The following FGF10 variants were observed in gnomAD, a reference collection of about 807,000 sequenced individuals.
FGF10 encodes the protein fibroblast growth factor 10.
FGF10 carries 2 observed loss-of-function variants against 19.8 expected under a neutral mutation model. The ratio of observed to expected loss-of-function variants is 0.10; its 90% CI spans 0.04 to 0.32. The LOEUF is 0.32. Among genes scored for constraint, FGF10 ranks in the 10% least tolerant of loss-of-function variants. The probability of loss-of-function intolerance (pLI) is 1.00; values close to 1 mark genes in which losing one functional copy is unlikely to be tolerated. For missense variants in FGF10, 191 were observed against 246.3 expected, an observed-to-expected ratio of 0.78 and a Z score of 1.50; for synonymous variants, 112 against 94.0, an observed-to-expected ratio of 1.19 and a Z score of -1.10.
chr5:44,323,889 G>A (rs977411598), intron 1 of FGF10, among the ~76,000 whole-genome samples: 1 of 152,108 alleles, frequency 6.6e-6, no homozygotes, highest in Non-Finnish European at 1.5e-5. Context: ...AAACTGATGG[G>A]TAAGGGACAC....
Position 44,355,020 on chromosome 5 carries a change from CA to C in FGF10, c.325+33337del, listed in dbSNP as rs1343094967. Reference sequence around the variant, plus strand: ...GATGTAAACACAGAGCTTTAAAAGGCAGTGACTTTATTCTCTTCGCATGTAC... The same window carrying C: ...GATGTAAACACAGAGCTTTAAAAGGCGTGACTTTATTCTCTTCGCATGTAC... On this transcript the variant is annotated intron_variant, in intron 1 of 2. Transcript: ENST00000264664. 2.6e-5 allele frequency among the ~76,000 whole-genome samples: 4 copies of C among 151,504 alleles called. No homozygotes were observed. In the Admixed American group the frequency reaches 2.6e-4, roughly 10 times the overall value.
intron 1 of FGF10, among the ~76,000 whole-genome samples, chr5:44,380,895 G>A (rs183545136): frequency 5.9e-5 from 9 of 152,230 alleles, no homozygotes; most frequent in East Asian, 1.9e-4. Flanking sequence ...TGGGAGGATC[G>A]CCTGAGCCCA....
chr5:44,323,555 T>C (rs1448070023), intron 1 of FGF10, among the ~76,000 whole-genome samples: 1 of 152,164 alleles, frequency 6.6e-6, no homozygotes, highest in Admixed American at 6.6e-5. Context: ...AGGATTGATA[T>C]TAGAATCCAA....
At chr5:44,343,725 T>C (rs1279415792) in intron 1 of FGF10, among the ~76,000 whole-genome samples, 1 of 151,976 alleles carries the variant, frequency 6.6e-6, no homozygotes, top group East Asian at 1.9e-4. Flanking sequence ...ACATAGCATA[T>C]AGCCACAATT....
At chr5:44,355,364 T>A (rs1242290418) in intron 1 of FGF10, among the ~76,000 whole-genome samples, 1 of 151,292 alleles carries the variant, frequency 6.6e-6, no homozygotes, top group East Asian at 1.9e-4. Flanking sequence ...GTAGACATGA[T>A]AAAAGAACAG....
intron 1 of FGF10, 143 bp downstream of exon 1, chr5:44,388,215 T>C: frequency 1.2e-6 from 1 of 807,336 alleles, no homozygotes; most frequent in Non-Finnish European, 2.1e-6. Flanking sequence ...GGGGGTGAAT[T>C]AGTGTGAAAG....
At chr5:44,309,236 C>T (rs761070491) in intron 2 of FGF10, among the ~76,000 whole-genome samples, 3 of 152,054 alleles carry the variant, frequency 2.0e-5, no homozygotes, top group Non-Finnish European at 4.4e-5. Flanking sequence ...TTTATAGTTG[C>T]CTTCAATACA....
chr5:44,323,020 A>G (rs1740534132), intron 1 of FGF10, among the ~76,000 whole-genome samples: 1 of 152,142 alleles, frequency 6.6e-6, no homozygotes, highest in African/African-American at 2.4e-5. Context: ...AATATTGGCA[A>G]TAAAGATTTT....
At chr5:44,372,550 T>C (rs890818717) in intron 1 of FGF10, among the ~76,000 whole-genome samples, 6 of 152,148 alleles carry the variant, frequency 3.9e-5, no homozygotes, top group African/African-American at 1.4e-4. Flanking sequence ...CCTACCTAAA[T>C]TAAAGCCCAA....
At chr5:44,384,801 C>T (rs1413805530) in intron 1 of FGF10, among the ~76,000 whole-genome samples, 4 of 152,076 alleles carry the variant, frequency 2.6e-5, no homozygotes, top group African/African-American at 7.2e-5. Context: ...TCTCTATTGC[C>T]TCCCATTCTT....
intron 2 of FGF10, among the ~76,000 whole-genome samples, chr5:44,306,371 T>C (rs1339141387): frequency 6.6e-6 from 1 of 152,218 alleles, no homozygotes; most frequent in East Asian, 1.9e-4. Flanking sequence ...CACTGCAGCC[T>C]GGGCAACAGA....
intron 2 of FGF10, among the ~76,000 whole-genome samples, 196 bp from the exon 3 acceptor site, chr5:44,305,388 CAT>C (rs1740052810): frequency 1.3e-5 from 2 of 152,278 alleles, no homozygotes; most frequent in South Asian, 4.1e-4. Context: ...TTTGAAAGCA[CAT>C]GATACATTTT....
intron 1 of FGF10, among the ~76,000 whole-genome samples, chr5:44,315,853 G>A (rs912076775): frequency 6.6e-6 from 1 of 152,106 alleles, no homozygotes; most frequent in Non-Finnish European, 1.5e-5. Flanking sequence ...CCATACCATA[G>A]TGTGAGTCTA....
At chr5:44,340,712 T>C (rs1268462201) in intron 1 of FGF10, among the ~76,000 whole-genome samples, 1 of 151,998 alleles carries the variant, frequency 6.6e-6, no homozygotes, top group Non-Finnish European at 1.5e-5. Context: ...GTGGAATAAC[T>C]TTCTTGATAC....
chr5:44,322,238 C>G (rs1308081681), intron 1 of FGF10, among the ~76,000 whole-genome samples: 2 of 152,130 alleles, frequency 1.3e-5, no homozygotes, highest in African/African-American at 2.4e-5. Context: ...CATATTCAAC[C>G]TAGTCAACAA....
At chr5:44,341,984 A>G (rs1023732281) in intron 1 of FGF10, among the ~76,000 whole-genome samples, 1 of 151,984 alleles carries the variant, frequency 6.6e-6, no homozygotes, top group Non-Finnish European at 1.5e-5. Context: ...GATTGAAGGT[A>G]GAGAGGGGAA....
chr5:44,351,011 T>A (rs905445632), intron 1 of FGF10, among the ~76,000 whole-genome samples: 5 of 151,480 alleles, frequency 3.3e-5, no homozygotes, highest in African/African-American at 1.2e-4. Flanking sequence ...TATCTATTAA[T>A]TAAAATTAAC....
rs966285148 is a variant in FGF10 at position 44,335,566 on chromosome 5, T to G, written c.326-25036A>C. Among the ~76,000 whole-genome samples, 3 of 152,280 alleles carry G rather than the reference T, an allele frequency of 2.0e-5. No individual in the cohort carries two copies. The East Asian group carries it at 5.8e-4, about 29-fold the overall frequency. ...TAAACATATTCATTGATTTACAACC[T>G]GAGTGTTATTAAGAAAGGCCAATTA... On this transcript the variant is annotated intron_variant, in intron 1 of 2. Coordinates refer to ENST00000264664, the MANE Select transcript of FGF10 (RefSeq NM_004465.2).
At chr5:44,379,584 T>C (rs969448660) in intron 1 of FGF10, among the ~76,000 whole-genome samples, 11 of 152,184 alleles carry the variant, frequency 7.2e-5, no homozygotes, top group African/African-American at 2.7e-4. Context: ...ACCTCCTCTT[T>C]AGCAGGAACT....
Sources: gnomAD v4.1 joint callset for allele counts (sites outside exome capture counted in the v4.1 genomes callset) on GRCh38, gnomAD v4.1.1 for gene constraint, MANE v1.5 for transcripts, NCBI Gene and HGNC (gene_info 2026-07-23, HGNC 2026-07-21) for gene names.